Variants in PARP8 observed in about 807,000 individuals in gnomAD.
PARP8 encodes the protein poly(ADP-ribose) polymerase family member 8.
A neutral mutation model predicts 124.1 loss-of-function variants in PARP8; 51 were observed. That is an observed-to-expected ratio of 0.41 (90% CI 0.33 to 0.52). PARP8 has a LOEUF of 0.52. PARP8 is among the 20% of genes least tolerant of loss of function. The probability of loss-of-function intolerance (pLI) is 0.21; values close to 1 mark genes in which losing one functional copy is unlikely to be tolerated. For missense variants in PARP8, 860 were observed against 1,018.9 expected (o/e 0.84, Z 2.12); for synonymous variants, 391 against 361.5 (o/e 1.08, Z -0.93).
chr5:50,754,060 G>A (rs1201548139), intron 3 of PARP8, among the ~76,000 whole-genome samples: 3 of 136,344 alleles, frequency 2.2e-5, no homozygotes, highest in Non-Finnish European at 4.6e-5. Flanking sequence ...AAAAAAAAAA[G>A]AGCTTAGAAG....
chr5:50,734,669 T>C (rs995044536), intron 2 of PARP8, among the ~76,000 whole-genome samples: 1 of 152,154 alleles, frequency 6.6e-6, no homozygotes, highest in African/African-American at 2.4e-5. Context: ...CTCAAATTGA[T>C]TGATCAAATA....
At chr5:50,762,234 A>G (rs950876519) in intron 6 of PARP8, among the ~76,000 whole-genome samples, 30 of 152,108 alleles carry the variant, frequency 2.0e-4, no homozygotes, top group African/African-American at 7.2e-4. Context: ...ACTTGTAATA[A>G]AAGTGTATAT....
At chr5:50,725,758 T>G (rs1248705150) in intron 2 of PARP8, among the ~76,000 whole-genome samples, 1 of 152,186 alleles carries the variant, frequency 6.6e-6, no homozygotes, top group Non-Finnish European at 1.5e-5. Flanking sequence ...TAAATTGCAA[T>G]AGAAGTAGAT....
In PARP8 at chr5:50,795,160, G is replaced by A; in HGVS notation, c.1171G>A (p.Gly391Arg). The A allele has an allele frequency of 6.2e-7, 1 of 1,614,162 alleles. No homozygotes were observed. Among genetic ancestry groups the A allele is most frequent in the Non-Finnish European group, 8.5e-7 (1 of 1,180,034 alleles). The change falls in exon 12 of 26, where the codon GGA (glycine) becomes AGA (arginine). Residue 391 changes from glycine to arginine, a missense_variant. By Grantham distance (125) the Gly-to-Arg change is moderately radical. Around this residue, in one of 2 missense-constraint regions of PARP8, gnomAD observed 517 missense variants for 544.2 expected, o/e 0.95. Coordinates refer to ENST00000281631, the MANE Select transcript of PARP8 (RefSeq NM_024615.4). ...SHRLLTRSCS[G>R]DPRCEHNTNL... ...TAGACTATTGACTCGATCTTGTTCT[G>A]GAGATCCACGATGTGAGCACAACAC...
At chr5:50,671,979 G>C (rs1750078946) in intron 2 of PARP8, among the ~76,000 whole-genome samples, 1 of 152,112 alleles carries the variant, frequency 6.6e-6, no homozygotes, top group Non-Finnish European at 1.5e-5. Context: ...CTTCCGTCTA[G>C]ATAAATAGCA....
chr5:50,749,405 A>G (rs1758974865), intron 2 of PARP8, among the ~76,000 whole-genome samples: 1 of 152,092 alleles, frequency 6.6e-6, no homozygotes, highest in African/African-American at 2.4e-5. Flanking sequence ...ATATAAATAG[A>G]CGTAGATCTT....
At chr5:50,695,953 T>C (rs1446068750) in intron 2 of PARP8, among the ~76,000 whole-genome samples, 1 of 152,194 alleles carries the variant, frequency 6.6e-6, no homozygotes, top group Non-Finnish European at 1.5e-5. Context: ...GACATGATTT[T>C]GAGGTGAAAG....
Position 50,727,012 on chromosome 5 carries a change from T to TA in PARP8, c.147-23138dup, listed in dbSNP as rs552496683. ...CATGCTATCTGGTAAAGATGACATT[T>TA]ACAGTCATAAATCAAAACCATCTGA... On this transcript the variant is annotated intron_variant, in intron 2 of 25. Transcript: ENST00000281631. 2.3e-4 allele frequency among the ~76,000 whole-genome samples: 35 copies of TA among 152,282 alleles called. 1 individual carries two copies. In the South Asian group the frequency reaches 7.1e-3, roughly 31 times the overall value.
chr5:50,772,943 C>T (rs1175728769), intron 7 of PARP8, among the ~76,000 whole-genome samples: 2 of 152,048 alleles, frequency 1.3e-5, no homozygotes, highest in Non-Finnish European at 2.9e-5. Context: ...GTAGATCTGC[C>T]CAGCTTGGCC....
intron 7 of PARP8, among the ~76,000 whole-genome samples, chr5:50,773,165 T>C (rs1237057547): frequency 6.6e-6 from 1 of 152,198 alleles, no homozygotes; most frequent in Non-Finnish European, 1.5e-5. Context: ...GTTGATTGTT[T>C]CCTTTTTAGT....
At chr5:50,815,778 T>A (rs1745031556) in intron 15 of PARP8, among the ~76,000 whole-genome samples, 1 of 152,334 alleles carries the variant, frequency 6.6e-6, no homozygotes, top group Admixed American at 6.5e-5. Context: ...TTCTAATTTC[T>A]TCTTACACAG....
chr5:50,776,363 T>C lies in PARP8; in HGVS notation c.519-1706T>C, dbSNP rs1464743016. ...TTGTAGTTTTCTTTTTGTTGTTGTT[T>C]CCTTGTCTGGTTTTGGTATCAGGGT... On this transcript the variant is annotated intron_variant, in intron 7 of 25. Transcript: ENST00000281631. 6.6e-5 allele frequency among the ~76,000 whole-genome samples: 10 copies of C among 152,340 alleles called. No individual in the cohort carries two copies. In the East Asian group the frequency reaches 1.9e-3, roughly 29 times the overall value.
intron 2 of PARP8, among the ~76,000 whole-genome samples, chr5:50,675,665 A>G (rs1156660699): frequency 6.6e-6 from 1 of 152,238 alleles, no homozygotes; most frequent in African/African-American, 2.4e-5. Context: ...AGAATTGTTG[A>G]TAGAATATAT....
At chr5:50,803,794 C>G (rs1318561655) in intron 14 of PARP8, among the ~76,000 whole-genome samples, 1 of 152,108 alleles carries the variant, frequency 6.6e-6, no homozygotes, top group African/African-American at 2.4e-5. Context: ...TCTATGCTTT[C>G]CTTGGGCCCC....
At chr5:50,697,850 T>C (rs1753194360) in intron 2 of PARP8, among the ~76,000 whole-genome samples, 1 of 152,198 alleles carries the variant, frequency 6.6e-6, no homozygotes, top group Non-Finnish European at 1.5e-5. Flanking sequence ...AATAATGTGT[T>C]TCAGCATATG....
At chr5:50,704,979 C>G (rs1007394376) in intron 2 of PARP8, among the ~76,000 whole-genome samples, 1 of 152,128 alleles carries the variant, frequency 6.6e-6, no homozygotes, top group African/African-American at 2.4e-5. Context: ...CCTTGTAAAG[C>G]AAGTGAAAGC....
intron 5 of PARP8, among the ~76,000 whole-genome samples, chr5:50,760,758 G>A (rs1760467064): frequency 6.6e-6 from 1 of 152,030 alleles, no homozygotes; most frequent in South Asian, 2.1e-4. Context: ...CACTGAGGTT[G>A]TACATAGTCT....
rs556286640 is a variant in PARP8, at chr5:50,828,198, A to T, written c.2091-114A>T. On this transcript the variant is annotated intron_variant, in intron 20 of 25. Transcript: ENST00000281631. ...ATGGTCATGTAGTCAACTACATAAT[A>T]CTTGATTTGGCAATCCAGAACCTTC... 49 of 1,186,622 alleles carry T rather than the reference A, an allele frequency of 4.1e-5. No individual in the cohort carries two copies. The African/African-American group carries it at 6.5e-4, about 16-fold the overall frequency. 73.5% of individuals were successfully genotyped at this position (1,186,622 alleles called of 1,614,324 possible).
chr5:50,828,314 G>A lies in PARP8; in HGVS notation c.2093G>A (p.Gly698Asp). Residue 698 changes from glycine to aspartate, a missense_variant and splice_region_variant, in exon 21 of 26, where the codon GGC becomes GAC. Physicochemically the swap from Gly to Asp is moderately conservative, Grantham distance 94. This residue lies in a region of PARP8 where 343 missense variants were observed against 474.7 expected (regional missense o/e 0.72). Transcript: ENST00000281631. The part of the protein sequence containing the change: ...KLFGSTFAFH[G>D]SHIENWHSIL... ...TTCCTTTCCGTCTGTTTTTTTAGTGGCTCACACATTGAAAACTGGCACTCC... is the reference window on the plus strand; with the variant it reads ...TTCCTTTCCGTCTGTTTTTTTAGTGACTCACACATTGAAAACTGGCACTCC... The A allele has an allele frequency of 1.2e-6, 2 of 1,612,948 alleles. No homozygotes were observed. Among genetic ancestry groups the A allele is most frequent in the Non-Finnish European group, 1.7e-6 (2 of 1,179,400 alleles).
Sources: allele counts gnomAD v4.1 joint callset (sites outside exome capture counted in the v4.1 genomes callset), GRCh38; gene constraint gnomAD v4.1.1; regional missense constraint gnomAD v4.1.1; transcripts MANE v1.5; gene names NCBI Gene and HGNC (gene_info 2026-07-23, HGNC 2026-07-21).